ABCA12: variants seen among roughly 807,000 people sequenced by gnomAD.
ABCA12 encodes the protein ATP binding cassette subfamily A member 12.
In ABCA12, 156 loss-of-function variants were observed where a neutral mutation model predicts 293.5. That is an observed-to-expected ratio of 0.53 (90% CI 0.47 to 0.61). The LOEUF is 0.61. Ranked by LOEUF, ABCA12 falls within the 20% of genes least tolerant of loss-of-function variation. The pLI, the probability that ABCA12 is intolerant of heterozygous loss-of-function variation, is 0.00. For missense variants in ABCA12, 2,797 were observed against 3,090.2 expected (o/e 0.91, Z 2.25); for synonymous variants, 1,063 against 1,108.0 (o/e 0.96, Z 0.81).
chr2:215,016,476 G>C (rs1415858603), intron 14 of ABCA12, among the ~76,000 whole-genome samples: 8 of 149,166 alleles, frequency 5.4e-5, no homozygotes, highest in African/African-American at 9.8e-5. Context: ...CCAGCTACTC[G>C]GGAGGCTGAG....
At chr2:215,064,026 T>G in intron 3 of ABCA12, 40 bp downstream of exon 3, 1 of 1,611,808 alleles carries the variant, frequency 6.2e-7, no homozygotes, top group East Asian at 2.2e-5. Context: ...CAAGATTTGA[T>G]CTCTCAGAAC....
At chr2:215,047,221 G>A (rs1049769592) in intron 6 of ABCA12, among the ~76,000 whole-genome samples, 1 of 152,104 alleles carries the variant, frequency 6.6e-6, no homozygotes, top group African/African-American at 2.4e-5. Flanking sequence ...CATGTATCCT[G>A]GAACTTAACA....
At chr2:214,936,483 C>T (rs910482586) in intron 51 of ABCA12, among the ~76,000 whole-genome samples, 3 of 152,208 alleles carry the variant, frequency 2.0e-5, no homozygotes, top group Non-Finnish European at 2.9e-5. Context: ...TATCATTCCA[C>T]GTCTGATTTC....
chr2:214,939,114 T>C (rs1698313998), intron 50 of ABCA12, among the ~76,000 whole-genome samples: 1 of 152,206 alleles, frequency 6.6e-6, no homozygotes, highest in African/African-American at 2.4e-5. Flanking sequence ...TTTAAGTCTT[T>C]AATCCATGTC....
At chr2:215,103,379 C>T (rs1444586255) in intron 2 of ABCA12, among the ~76,000 whole-genome samples, 1 of 149,930 alleles carries the variant, frequency 6.7e-6, no homozygotes, top group Non-Finnish European at 1.5e-5. Context: ...AGCAATTATC[C>T]TGCCTCAGCC....
intron 28 of ABCA12, among the ~76,000 whole-genome samples, chr2:214,985,749 A>G (rs949278629): frequency 1.3e-5 from 2 of 152,188 alleles, no homozygotes; most frequent in African/African-American, 4.8e-5. Context: ...GATGATACTA[A>G]GTAAGATATG....
At chr2:214,977,059 C>T (rs1233489873) in intron 33 of ABCA12, among the ~76,000 whole-genome samples, 3 of 152,262 alleles carry the variant, frequency 2.0e-5, no homozygotes, top group East Asian at 3.9e-4. Flanking sequence ...TCCAATTAAA[C>T]AGAGTGAACA....
At chr2:214,970,440 T>G in intron 36 of ABCA12, 40 bp from the exon 37 acceptor site, 1 of 1,610,910 alleles carries the variant, frequency 6.2e-7, no homozygotes, top group Non-Finnish European at 8.5e-7. Context: ...TTCTGGCCAA[T>G]GCTGTGCAAG....
chr2:214,946,353 T>C (rs1475408685), intron 48 of ABCA12, among the ~76,000 whole-genome samples: 1 of 152,136 alleles, frequency 6.6e-6, no homozygotes, highest in Non-Finnish European at 1.5e-5. Context: ...AAACTTGGTA[T>C]CTTTCATGTC....
At position 214,968,744 on chromosome 2, in the gene ABCA12, G is replaced by A; in HGVS notation, c.5754C>T (p.Val1918=). 6.2e-7 allele frequency: 1 copy of A among 1,613,240 alleles called. No individual in the cohort carries two copies. Among genetic ancestry groups the A allele is most frequent in the Non-Finnish European group, 8.5e-7 (1 of 1,179,366 alleles). ...CCTTGGCAAGTGTTCTATTGGCAGG[G>A]ACTCCTGTTATATCAAAACGAAGGT... ...TKDLRFDITG[V]PANRTLAKVW... is the part of the protein sequence containing the mutation. The change falls in exon 38 of 53, where the codon GTC becomes GTT. Residue 1918 remains valine (V), a synonymous_variant. Coordinates refer to ENST00000272895, the MANE Select transcript of ABCA12 (RefSeq NM_173076.3).
At chr2:214,967,475 C>T (rs542166614) in intron 38 of ABCA12, among the ~76,000 whole-genome samples, 56 of 152,234 alleles carry the variant, frequency 3.7e-4, no homozygotes, top group African/African-American at 1.2e-3. Context: ...CCTTCTATGT[C>T]ATAAACAGAG....
chr2:215,114,442 C>A (rs1008864819), intron 1 of ABCA12, among the ~76,000 whole-genome samples: 1 of 152,134 alleles, frequency 6.6e-6, no homozygotes, highest in East Asian at 1.9e-4. Context: ...TGATCTAACT[C>A]TTTTTTGTAT....
At chr2:214,974,382 A>T (rs530420645) in intron 35 of ABCA12, among the ~76,000 whole-genome samples, 2 of 152,302 alleles carry the variant, frequency 1.3e-5, no homozygotes, top group South Asian at 4.1e-4. Context: ...TCATGTTTAC[A>T]TGAGTTGTGT....
intron 50 of ABCA12, among the ~76,000 whole-genome samples, chr2:214,939,724 C>G (rs1488650717): frequency 6.6e-6 from 1 of 152,144 alleles, no homozygotes; most frequent in Non-Finnish European, 1.5e-5. Context: ...CTCTTTGTAG[C>G]AATTGTGAAT....
At chr2:215,053,979 C>T (rs766605707) in intron 4 of ABCA12, among the ~76,000 whole-genome samples, 3 of 152,024 alleles carry the variant, frequency 2.0e-5, no homozygotes, top group Non-Finnish European at 4.4e-5. Context: ...GAGGGAGCAA[C>T]TCAGGAAGAG....
chr2:214,932,524 G>T lies in ABCA12; in HGVS notation c.*110C>A. The T allele has an allele frequency of 3.5e-6, 3 of 855,390 alleles. No individual in the cohort carries two copies. The highest frequency in any genetic ancestry group is 5.8e-6 in the Non-Finnish European group (3 of 517,990). 53.0% of individuals were successfully genotyped at this position (855,390 alleles called of 1,614,324 possible). A position where few individuals can be genotyped will look rare whatever the true frequency, so the allele number is the denominator to read the frequency against. ...TAACACAGTTGTAACTTTCCATACA[G>T]TATATTACTTTACTTTAAAATGAAG... On this transcript the variant is annotated 3_prime_UTR_variant, in exon 53 of 53. Transcript: ENST00000272895.
chr2:215,059,934 A>C (rs1006683075), intron 3 of ABCA12, among the ~76,000 whole-genome samples: 4 of 151,936 alleles, frequency 2.6e-5, no homozygotes, highest in African/African-American at 9.7e-5. Flanking sequence ...CCTATCTCAA[A>C]TATACATTCT....
At chr2:215,001,761 C>CA (rs547390617) in intron 20 of ABCA12, 24 bp from the exon 21 acceptor site, 123 of 1,581,564 alleles carry the variant, frequency 7.8e-5, no homozygotes, top group South Asian at 9.2e-5. Context: ...GCAAAAGAGA[C>CA]AAAAAAAAAT....
At chr2:215,101,588 C>G (rs1433309760) in intron 2 of ABCA12, among the ~76,000 whole-genome samples, 1 of 152,112 alleles carries the variant, frequency 6.6e-6, no homozygotes. Flanking sequence ...ATTATTTGCT[C>G]CTTAGTTTGC....
Sources: allele counts gnomAD v4.1 joint callset (sites outside exome capture counted in the v4.1 genomes callset), GRCh38; gene constraint gnomAD v4.1.1; transcripts MANE v1.5; gene names NCBI Gene and HGNC (gene_info 2026-07-23, HGNC 2026-07-21).